Variants in EHMT1 observed in about 807,000 individuals in gnomAD.
The protein encoded by EHMT1 is histone-lysine N-methyltransferase EHMT1.
In EHMT1, 15 loss-of-function variants were observed where a neutral mutation model predicts 147.2. That is an observed-to-expected ratio of 0.10 (90% CI 0.07 to 0.16). EHMT1 has a LOEUF of 0.16. Among genes scored for constraint, EHMT1 ranks in the 10% least tolerant of loss-of-function variants. The probability of loss-of-function intolerance (pLI) is 1.00; values close to 1 mark genes in which losing one functional copy is unlikely to be tolerated. For synonymous variants in EHMT1, 795 were observed against 709.6 expected (o/e 1.12, Z -1.91); for missense variants, 1,587 against 1,772.4 (o/e 0.90, Z 1.88).
At chr9:137,721,953 C>T (rs184671019) in intron 3 of EHMT1, among the ~76,000 whole-genome samples, 15 of 151,860 alleles carry the variant, frequency 9.9e-5, no homozygotes, top group African/African-American at 3.4e-4. Flanking sequence ...TAACTCTTCA[C>T]CTAGCCCTAG....
At chr9:137,641,653 G>A in intron 1 of EHMT1, 1 of 214,780 alleles carries the variant, frequency 4.7e-6, no homozygotes, top group Non-Finnish European at 9.3e-6. Context: ...CTTCCTCGTG[G>A]GCTTGGTTGC....
At chr9:137,652,421 C>G (rs1402959348) in intron 1 of EHMT1, among the ~76,000 whole-genome samples, 1 of 152,046 alleles carries the variant, frequency 6.6e-6, no homozygotes, top group African/African-American at 2.4e-5. Context: ...GAGTCTCACT[C>G]TGTCTCCCAG....
intron 25 of EHMT1, among the ~76,000 whole-genome samples, chr9:137,829,469 A>G (rs997490351): frequency 6.6e-6 from 1 of 152,244 alleles, no homozygotes; most frequent in Admixed American, 6.5e-5. Flanking sequence ...TTAGTTACAA[A>G]TGTGACATTT....
chr9:137,818,297 G>A (rs890954350), intron 25 of EHMT1, among the ~76,000 whole-genome samples, 159 bp downstream of exon 25: 1 of 152,154 alleles, frequency 6.6e-6, no homozygotes, highest in Non-Finnish European at 1.5e-5. Context: ...AGCTGGCCTT[G>A]GTTCTGTGCC....
chr9:137,792,721 G>T (rs755381624), intron 16 of EHMT1, among the ~76,000 whole-genome samples: 1 of 152,104 alleles, frequency 6.6e-6, no homozygotes, highest in African/African-American at 2.4e-5. Context: ...AAAGGAAAAC[G>T]TATGTGGATG....
At chr9:137,718,540 T>C (rs1024083347) in intron 3 of EHMT1, among the ~76,000 whole-genome samples, 15 of 152,324 alleles carry the variant, frequency 9.8e-5, no homozygotes, top group African/African-American at 3.4e-4. Context: ...GGATGCTCTG[T>C]ATGAGTTTTC....
intron 10 of EHMT1, among the ~76,000 whole-genome samples, chr9:137,767,333 A>G (rs924083409): frequency 3.3e-5 from 5 of 152,206 alleles, no homozygotes; most frequent in Non-Finnish European, 5.9e-5. Flanking sequence ...CGTTCAGCCA[A>G]CGATGGACTG....
At chr9:137,725,628 A>T (rs1946547567) in intron 3 of EHMT1, among the ~76,000 whole-genome samples, 1 of 152,154 alleles carries the variant, frequency 6.6e-6, no homozygotes, top group Admixed American at 6.5e-5. Context: ...TGTTCTGGAC[A>T]TCAGTGGGGT....
chr9:137,669,433 GC>G (rs74195349), intron 1 of EHMT1, among the ~76,000 whole-genome samples: 2 of 12,528 alleles, frequency 1.6e-4, no homozygotes, highest in African/African-American at 4.1e-4. Context: ...CACCCAAGAC[GC>G]CGCCCACAGC....
intron 16 of EHMT1, among the ~76,000 whole-genome samples, chr9:137,792,952 A>G (rs948335258): frequency 2.0e-5 from 3 of 152,228 alleles, no homozygotes; most frequent in Non-Finnish European, 4.4e-5. Flanking sequence ...TCACGTTCGT[A>G]GGGAACCTGG....
intron 1 of EHMT1, among the ~76,000 whole-genome samples, chr9:137,654,704 G>A (rs541976616): frequency 1.3e-5 from 2 of 152,334 alleles, no homozygotes; most frequent in African/African-American, 2.4e-5. Flanking sequence ...TGGGGAGGCA[G>A]TACATGCCTG....
intron 3 of EHMT1, among the ~76,000 whole-genome samples, chr9:137,725,449 C>T (rs1221607410): frequency 1.3e-5 from 2 of 152,084 alleles, no homozygotes; most frequent in African/African-American, 4.8e-5. Flanking sequence ...TAAGGGCATC[C>T]CAGAGGTGGA....
chr9:137,730,191 A>G (rs1456731224), intron 4 of EHMT1, among the ~76,000 whole-genome samples: 2 of 152,180 alleles, frequency 1.3e-5, no homozygotes, highest in East Asian at 3.8e-4. Flanking sequence ...TTTTTTGTCC[A>G]TCTTCAAGTT....
At chr9:137,699,862 A>T (rs1943695496) in intron 1 of EHMT1, among the ~76,000 whole-genome samples, 1 of 152,172 alleles carries the variant, frequency 6.6e-6, no homozygotes, top group Admixed American at 6.5e-5. Context: ...AAATGAATGA[A>T]CAAGCAAATA....
intron 1 of EHMT1, among the ~76,000 whole-genome samples, chr9:137,644,037 G>T (rs985515868): frequency 6.6e-6 from 1 of 152,180 alleles, no homozygotes; most frequent in Non-Finnish European, 1.5e-5. Context: ...CTTGAGGGCC[G>T]CTCCTCCCTT....
intron 6 of EHMT1, among the ~76,000 whole-genome samples, chr9:137,748,373 C>T (rs955683965): frequency 2.0e-5 from 3 of 152,186 alleles, no homozygotes; most frequent in Non-Finnish European, 4.4e-5. Flanking sequence ...ATACAGGTTC[C>T]TCTGTATGGC....
chr9:137,775,733 C>T lies in EHMT1; in HGVS notation c.1791+481C>T, dbSNP rs1421763930. ...ACAGCTCCTGGGAGAGGTGGCAGCA[C>T]CTTGCTGTGCCCTGGGCTGTTTCTG... On this transcript the variant is annotated intron_variant, in intron 11 of 26. Coordinates refer to ENST00000460843, the MANE Select transcript of EHMT1 (RefSeq NM_024757.5). This position sits in a 1 kb window ranked among gnomAD's most constrained non-coding sequence, Gnocchi z 6.1. 2.0e-5 allele frequency among the ~76,000 whole-genome samples: 3 copies of T among 152,016 alleles called. No individual in the cohort carries two copies.
At chr9:137,798,765 C>A in intron 16 of EHMT1, 48 bp from the exon 17 acceptor site, 1 of 1,504,208 alleles carries the variant, frequency 6.6e-7, no homozygotes, top group Non-Finnish European at 9.3e-7. Context: ...GCTGGCACAC[C>A]AGGATCACAG....
chr9:137,659,419 A>G (rs1460233716), intron 1 of EHMT1, among the ~76,000 whole-genome samples: 1 of 151,768 alleles, frequency 6.6e-6, no homozygotes, highest in East Asian at 1.9e-4. Flanking sequence ...TAATTAATTA[A>G]TTATTTTTAG....
Sources: allele counts gnomAD v4.1 joint callset (sites outside exome capture counted in the v4.1 genomes callset), GRCh38; gene constraint gnomAD v4.1.1; non-coding constraint Gnocchi (gnomAD v3.1); transcripts MANE v1.5; gene names NCBI Gene and HGNC (gene_info 2026-07-23, HGNC 2026-07-21).